The following SLC22A14 variants were observed in gnomAD, a reference collection of about 807,000 sequenced individuals.
SLC22A14 encodes solute carrier family 22 member 14.
In SLC22A14, 50 loss-of-function variants were observed where a neutral mutation model predicts 53.9. The observed-to-expected ratio is 0.93, with a 90% CI of 0.74 to 1.17. The LOEUF (loss-of-function observed/expected upper bound fraction) is 1.17. Among genes scored for constraint, SLC22A14 ranks in the 50% most tolerant of loss-of-function variants. The pLI, the probability that SLC22A14 is intolerant of heterozygous loss-of-function variation, is 0.00. For missense variants in SLC22A14, 671 were observed against 734.7 expected, an observed-to-expected ratio of 0.91 and a Z score of 1.00; for synonymous variants, 312 against 303.0, an observed-to-expected ratio of 1.03 and a Z score of -0.31.
At chr3:38,308,923 C>G (rs200424985) in intron 4 of SLC22A14, 31 bp from the exon 5 acceptor site, 3 of 1,607,560 alleles carry the variant, frequency 1.9e-6, no homozygotes, top group African/African-American at 2.7e-5. Flanking sequence ...CCTGACGTAA[C>G]CATGGTTTTG....
At chr3:38,315,077 G>A (rs1704582761) in intron 8 of SLC22A14, among the ~76,000 whole-genome samples, 3 of 152,236 alleles carry the variant, frequency 2.0e-5, no homozygotes, top group Admixed American at 2.0e-4. Flanking sequence ...TAGCTGGCCG[G>A]AGAACATCCT....
At chr3:38,315,739 A>C (rs1223631920) in intron 9 of SLC22A14, 28 bp downstream of exon 9, 2 of 1,603,034 alleles carry the variant, frequency 1.2e-6, no homozygotes, top group Non-Finnish European at 1.7e-6. Flanking sequence ...CGAGGGGGCC[A>C]TGGGGACATG....
intron 10 of SLC22A14, 92 bp from the exon 11 acceptor site, chr3:38,318,106 C>A: frequency 8.4e-7 from 1 of 1,188,660 alleles, no homozygotes; most frequent in Admixed American, 1.8e-5. Flanking sequence ...CTTGGGAACG[C>A]AGGGTTGGGC....
intron 1 of SLC22A14, among the ~76,000 whole-genome samples, chr3:38,286,573 G>T (rs1703798079): frequency 6.6e-6 from 1 of 151,838 alleles, no homozygotes; most frequent in African/African-American, 2.4e-5. Context: ...ACCACGCCTG[G>T]CTAATTTTTG....
rs928889651 is a variant in SLC22A14, at chr3:38,307,008, C to T, written c.517-246C>T. 7.9e-5 allele frequency among the ~76,000 whole-genome samples: 12 copies of T among 152,210 alleles called. No individual in the cohort carries two copies. Among genetic ancestry groups the T allele is most frequent in the Non-Finnish European group, 1.3e-4 (9 of 68,042 alleles). Reference sequence around the variant, plus strand: ...GATTCCTGCCTTTGCTCAGCTACCCCCTACCCCACACACACATCTTGGCCT... The same window carrying T: ...GATTCCTGCCTTTGCTCAGCTACCCTCTACCCCACACACACATCTTGGCCT... On this transcript the variant is annotated intron_variant, in intron 2 of 10. Coordinates refer to ENST00000448498, the MANE Select transcript of SLC22A14 (RefSeq NM_001320033.2). The surrounding 1 kb of genome is among the most constrained non-coding windows in gnomAD (Gnocchi z 4.4).
At chr3:38,297,723 G>T (rs547089967) in intron 1 of SLC22A14, among the ~76,000 whole-genome samples, 1 of 152,144 alleles carries the variant, frequency 6.6e-6, no homozygotes, top group Admixed American at 6.5e-5. Context: ...ATATGCAGGG[G>T]TGTATGATGT....
intron 1 of SLC22A14, among the ~76,000 whole-genome samples, chr3:38,292,550 ACT>A (rs1246038011): frequency 1.3e-5 from 2 of 152,196 alleles, no homozygotes; most frequent in East Asian, 3.9e-4. Context: ...GCATGGTTTT[ACT>A]AGGCCTTGGG....
Position 38,318,231 on chromosome 3 carries a change from A to G in SLC22A14, c.1767A>G (p.Thr589=), listed in dbSNP as rs912177920. The G allele has an allele frequency of 1.2e-6, 2 of 1,614,130 alleles. No homozygotes were observed. The highest frequency in any genetic ancestry group is 1.1e-5 in the South Asian group (1 of 91,078). ...NKVKDMKTKE[T]SSDDV Reference sequence around the variant, plus strand: ...TCAAGGACATGAAGACTAAGGAAACATCATCTGATGATGTCTGAGGAAGCG... The same window carrying G: ...TCAAGGACATGAAGACTAAGGAAACGTCATCTGATGATGTCTGAGGAAGCG... Residue 589 remains threonine (T), a synonymous_variant, in exon 11 of 11, where the codon ACA becomes ACG. Transcript: ENST00000448498.
At chr3:38,298,291 C>T (rs1704083006) in intron 1 of SLC22A14, among the ~76,000 whole-genome samples, 1 of 152,158 alleles carries the variant, frequency 6.6e-6, no homozygotes. Context: ...CTGGAATCAA[C>T]CATTTCTCCA....
In SLC22A14 at chr3:38,293,039, G is replaced by A. The variant is rs563850606; in HGVS notation, c.-1+10700G>A. On this transcript the variant is annotated intron_variant, in intron 1 of 10. Transcript: ENST00000448498. ...ACAGTTAACCTCCTGGCCCTCAATGGTCAAGCATACCCAGGGCTCTGTGAG... is the reference window on the plus strand; with the variant it reads ...ACAGTTAACCTCCTGGCCCTCAATGATCAAGCATACCCAGGGCTCTGTGAG... Among the ~76,000 whole-genome samples the A allele has an allele frequency of 5.3e-5, 8 of 152,218 alleles. No individual in the cohort carries two copies. The East Asian group carries it at 1.5e-3, about 29-fold the overall frequency.
At chr3:38,278,875 C>T (rs1703617078), upstream of SLC22A14, among the ~76,000 whole-genome samples, 1 of 148,822 alleles carries the variant, frequency 6.7e-6, no homozygotes, top group Non-Finnish European at 1.5e-5. Context: ...CATAAAGAGA[C>T]CTCAAGCCGG....
At chr3:38,301,958 C>G (rs1189953076) in intron 1 of SLC22A14, among the ~76,000 whole-genome samples, 1 of 151,336 alleles carries the variant, frequency 6.6e-6, no homozygotes, top group Non-Finnish European at 1.5e-5. Context: ...AGGCCAGGCA[C>G]AGTGGCTCAG....
intron 1 of SLC22A14, among the ~76,000 whole-genome samples, chr3:38,304,100 A>G (rs1256736213): frequency 6.6e-6 from 1 of 151,592 alleles, no homozygotes; most frequent in East Asian, 2.0e-4. Context: ...CTGAGGCAGG[A>G]GAATGGCGTG....
chr3:38,313,378 T>G lies in SLC22A14; in HGVS notation c.1066-10T>G. On this transcript the variant is annotated splice_polypyrimidine_tract_variant and intron_variant, in intron 6 of 10. Transcript: ENST00000448498. ...GGCCCTGCCTCTGACTGGTCCTGCT[T>G]GTTCTGTAGCTGCAGCTGCCCAGAA... is the stretch of plus-strand genomic sequence containing the variant. The G allele has an allele frequency of 6.2e-7, 1 of 1,607,984 alleles. No homozygotes were observed. Among genetic ancestry groups the G allele is most frequent in the Non-Finnish European group, 8.5e-7 (1 of 1,174,708 alleles).
intron 5 of SLC22A14, among the ~76,000 whole-genome samples, chr3:38,309,596 A>G (rs2125888583): frequency 6.6e-6 from 1 of 152,340 alleles, no homozygotes; most frequent in South Asian, 2.1e-4. Flanking sequence ...GAGTCAGGGA[A>G]GAGTATCAGA....
At chr3:38,298,999 G>T (rs892473616) in intron 1 of SLC22A14, among the ~76,000 whole-genome samples, 2 of 151,984 alleles carry the variant, frequency 1.3e-5, no homozygotes, top group Non-Finnish European at 2.9e-5. Flanking sequence ...CACTAACTAG[G>T]GTAACAGTAC....
intron 2 of SLC22A14, among the ~76,000 whole-genome samples, chr3:38,306,944 G>A: frequency 6.6e-6 from 1 of 152,218 alleles, no homozygotes; most frequent in East Asian, 1.9e-4. Context: ...GAATCTGCAG[G>A]TTGGGCCTAG....
chr3:38,291,575 A>G (rs778255343), intron 1 of SLC22A14, among the ~76,000 whole-genome samples: 4 of 152,248 alleles, frequency 2.6e-5, no homozygotes, highest in Admixed American at 6.5e-5. Context: ...TACTGCCGCC[A>G]CTACCCGTAA....
chr3:38,296,104 T>A (rs1704030965), intron 1 of SLC22A14, among the ~76,000 whole-genome samples: 1 of 152,062 alleles, frequency 6.6e-6, no homozygotes, highest in African/African-American at 2.4e-5. Context: ...TAAGGAGAAT[T>A]TTGGGGCTAC....
Sources: allele counts gnomAD v4.1 joint callset (sites outside exome capture counted in the v4.1 genomes callset), GRCh38; gene constraint gnomAD v4.1.1; non-coding constraint Gnocchi (gnomAD v3.1); transcripts MANE v1.5; gene names NCBI Gene and HGNC (gene_info 2026-07-23, HGNC 2026-07-21).